The following PLCE1 variants were observed in gnomAD, a reference collection of about 807,000 sequenced individuals.
The protein encoded by PLCE1 is phospholipase C epsilon 1.
Under a neutral mutation model 242.8 loss-of-function variants are expected in PLCE1, and 119 were observed. The observed-to-expected ratio is 0.49, with a 90% CI of 0.42 to 0.57. The LOEUF (loss-of-function observed/expected upper bound fraction) is 0.57. PLCE1 is among the 20% of genes least tolerant of loss of function. The pLI is 0.00. For missense variants in PLCE1, 2,441 were observed against 2,788.8 expected, an observed-to-expected ratio of 0.88 and a Z score of 2.81; for synonymous variants, 945 against 1,017.4, an observed-to-expected ratio of 0.93 and a Z score of 1.35.
chr10:94,326,498 A>G lies in PLCE1; in HGVS notation c.*24+1394A>G, dbSNP rs79592553. Among the ~76,000 whole-genome samples, 88 of 152,300 alleles carry G rather than the reference A, an allele frequency of 5.8e-4. No homozygotes were observed. In the East Asian group the frequency reaches 0.012, roughly 21 times the overall value. ...AAATCATAGGTGTGATGTTATACAC[A>G]CCTCTATAACTTCTGTAATGAGGTG... On this transcript the variant is annotated intron_variant, in intron 32 of 32. Coordinates refer to ENST00000371380, the MANE Select transcript of PLCE1 (RefSeq NM_016341.4).
At chr10:94,212,423 A>AT (rs2049370841) in intron 4 of PLCE1, among the ~76,000 whole-genome samples, 2 of 152,032 alleles carry the variant, frequency 1.3e-5, no homozygotes, top group Non-Finnish European at 1.5e-5. Context: ...CGCCCAGCTG[A>AT]TTTTTTGTAT....
intron 27 of PLCE1, among the ~76,000 whole-genome samples, chr10:94,311,784 G>A (rs2053394451): frequency 6.6e-6 from 1 of 152,074 alleles, no homozygotes; most frequent in Non-Finnish European, 1.5e-5. Flanking sequence ...ATCTAAATAT[G>A]ATCATGTCAC....
intron 28 of PLCE1, chr10:94,315,273 C>T (rs536690409): frequency 1.0e-4 from 39 of 377,704 alleles, no homozygotes; most frequent in Non-Finnish European, 1.9e-4. Flanking sequence ...TGCTTTTCCT[C>T]CTGGTGAGAT....
intron 29 of PLCE1, among the ~76,000 whole-genome samples, chr10:94,318,502 C>G (rs1239566496): frequency 6.6e-6 from 1 of 152,124 alleles, no homozygotes; most frequent in African/African-American, 2.4e-5. Context: ...GAAATAGATT[C>G]AGAGAGGTGA....
At chr10:94,217,429 A>C in intron 4 of PLCE1, among the ~76,000 whole-genome samples, 1 of 152,314 alleles carries the variant, frequency 6.6e-6, no homozygotes, top group Middle Eastern at 3.4e-3. Context: ...TTTTAATCTC[A>C]TCATATTAAA....
At position 94,068,606 on chromosome 10, in the gene PLCE1, C is replaced by T. The variant is rs112114732; in HGVS notation, c.1206+36354C>T. 7.9e-3 allele frequency among the ~76,000 whole-genome samples: 1,197 copies of T among 152,182 alleles called. 17 individuals are homozygous for T. Among genetic ancestry groups the T allele is most frequent in the African/African-American group, 0.027 (1,120 of 41,532 alleles). ...CCCGGAACCAATGTCCCATGGATAC[C>T]GAGGAATGACTGTATTAACATGTAT... On this transcript the variant is annotated intron_variant, in intron 2 of 32. Transcript: ENST00000371380.
At chr10:94,321,792 TAAG>T (rs1266537942) in intron 29 of PLCE1, 106 bp from the exon 30 acceptor site, 34 of 768,948 alleles carry the variant, frequency 4.4e-5, no homozygotes, top group Admixed American at 1.3e-4. Flanking sequence ...GATATTAAGC[TAAG>T]AAGTTTCTAC....
At position 94,252,269 on chromosome 10, in the gene PLCE1, C is replaced by T. The variant is rs372461196; in HGVS notation, c.3097-47C>T. The T allele has an allele frequency of 6.7e-5, 103 of 1,538,400 alleles. No homozygotes were observed. In the African/African-American group the frequency reaches 1.2e-3, roughly 18 times the overall value. On this transcript the variant is annotated intron_variant, in intron 8 of 32. Coordinates refer to ENST00000371380, the MANE Select transcript of PLCE1 (RefSeq NM_016341.4). ...GGAGACATTAATATATTTACTTCCC[C>T]ATTGCTTGATGCTTCCTATTGTGTT...
At chr10:94,057,794 C>T (rs1375612760) in intron 2 of PLCE1, among the ~76,000 whole-genome samples, 2 of 152,284 alleles carry the variant, frequency 1.3e-5, no homozygotes, top group East Asian at 3.9e-4. Flanking sequence ...TTGCTCAGGG[C>T]TAAAATCAAG....
At chr10:94,256,360 A>C (rs2051101816) in intron 11 of PLCE1, among the ~76,000 whole-genome samples, 1 of 134,558 alleles carries the variant, frequency 7.4e-6, no homozygotes. Context: ...GAAAGAAAGA[A>C]AAAGAAACAG....
At chr10:94,064,055 A>T (rs2135006961) in intron 2 of PLCE1, among the ~76,000 whole-genome samples, 1 of 152,250 alleles carries the variant, frequency 6.6e-6, no homozygotes, top group South Asian at 2.1e-4. Context: ...TAGGGGCTTC[A>T]GCACTCATTT....
intron 1 of PLCE1, among the ~76,000 whole-genome samples, chr10:94,009,141 G>T (rs1434354724): frequency 2.6e-5 from 4 of 152,286 alleles, no homozygotes; most frequent in East Asian, 3.9e-4. Context: ...AGGAAACATG[G>T]TACTGGCATG....
chr10:94,140,570 A>G (rs796436664), intron 3 of PLCE1, among the ~76,000 whole-genome samples: 7 of 152,326 alleles, frequency 4.6e-5, no homozygotes, highest in African/African-American at 1.7e-4. Flanking sequence ...CTTTCACTAC[A>G]ATAAGCTTGT....
intron 2 of PLCE1, among the ~76,000 whole-genome samples, chr10:94,043,985 A>G (rs1349832458): frequency 6.6e-6 from 1 of 152,212 alleles, no homozygotes; most frequent in Non-Finnish European, 1.5e-5. Flanking sequence ...ATCACAGCAT[A>G]AAGGAAAAAG....
intron 2 of PLCE1, among the ~76,000 whole-genome samples, chr10:94,090,657 G>A (rs535771944): frequency 6.6e-6 from 1 of 152,232 alleles, no homozygotes; most frequent in East Asian, 1.9e-4. Context: ...TAGATGTAGG[G>A]GACTGTGACT....
chr10:94,328,430 CTTGTT>C lies in PLCE1; in HGVS notation c.*491_*495del, dbSNP rs911006614. The C allele has an allele frequency of 1.2e-4, 18 of 152,812 alleles. No homozygotes were observed. Among genetic ancestry groups the C allele is most frequent in the African/African-American group, 3.9e-4 (16 of 41,550 alleles). 9.5% of individuals were successfully genotyped at this position (152,812 alleles called of 1,614,324 possible). On this transcript the variant is annotated 3_prime_UTR_variant, in exon 33 of 33. Coordinates refer to ENST00000371380, the MANE Select transcript of PLCE1 (RefSeq NM_016341.4). ...ATATTTTTCACATGTCACAAATACT[CTTGTT>C]TTGACTTTTTTTCAACCATTTAAAA...
At chr10:94,290,641 G>C (rs961535902) in intron 22 of PLCE1, among the ~76,000 whole-genome samples, 1 of 150,886 alleles carries the variant, frequency 6.6e-6, no homozygotes, top group Non-Finnish European at 1.5e-5. Flanking sequence ...CTTCCTGAAG[G>C]ACCTGCCTGA....
intron 3 of PLCE1, among the ~76,000 whole-genome samples, chr10:94,154,554 C>A (rs1377733331): frequency 6.6e-6 from 1 of 152,012 alleles, no homozygotes; most frequent in Non-Finnish European, 1.5e-5. Context: ...TTGCAAATCA[C>A]ATATATAATA....
intron 27 of PLCE1, among the ~76,000 whole-genome samples, chr10:94,311,069 G>T (rs1238264566): frequency 2.0e-5 from 3 of 152,196 alleles, no homozygotes; most frequent in Non-Finnish European, 2.9e-5. Flanking sequence ...CAGCCTCATG[G>T]AAGGATGCAT....
Sources: gnomAD v4.1 joint callset for allele counts (sites outside exome capture counted in the v4.1 genomes callset) on GRCh38, gnomAD v4.1.1 for gene constraint, MANE v1.5 for transcripts, NCBI Gene and HGNC (gene_info 2026-07-23, HGNC 2026-07-21) for gene names.